Variants in MTMR11 observed in about 807,000 individuals in gnomAD.
MTMR11 encodes the protein myotubularin related protein 11.
A neutral mutation model predicts 100.0 loss-of-function variants in MTMR11; 89 were observed. The ratio of observed to expected loss-of-function variants is 0.89; its 90% CI spans 0.75 to 1.06. MTMR11 has a LOEUF of 1.06. Ranked by LOEUF, MTMR11 falls within the 50% of genes least tolerant of loss-of-function variation. The pLI is 0.00. For synonymous variants in MTMR11, 336 were observed against 326.3 expected (o/e 1.03, Z -0.32); for missense variants, 809 against 873.7 (o/e 0.93, Z 0.93).
At chr1:149,935,830 A>G (rs2092714401) in intron 2 of MTMR11, 125 bp from the exon 3 acceptor site, 3 of 1,180,654 alleles carry the variant, frequency 2.5e-6, no homozygotes, top group Non-Finnish European at 3.5e-6. Context: ...AAAGCCCACT[A>G]CAATGTAAGC....
chr1:149,933,319 C>T, intron 10 of MTMR11, 87 bp downstream of exon 10: 1 of 1,530,294 alleles, frequency 6.5e-7, no homozygotes, highest in Non-Finnish European at 8.9e-7. Context: ...AAGAGCTACT[C>T]ATCTACAGCA....
chr1:149,934,034 T>G (rs782132417), intron 7 of MTMR11, 92 bp from the exon 8 acceptor site: 17 of 1,541,296 alleles, frequency 1.1e-5, no homozygotes, highest in African/African-American at 1.4e-5. Flanking sequence ...GAGGGACCAT[T>G]CCAAGGGATT....
rs781983295 is a variant in MTMR11 at position 149,933,448 on chromosome 1, C to T, written c.943G>A (p.Val315Ile). ...TMDELPSLAD[V>I]QLAHLRLRAL... is the part of the protein sequence containing the mutation. ...CTCAGCCTCAGGTGGGCAAGTTGGA[C>T]ATCTGCAAGGCTGGGCAGCTCATCC... is the stretch of plus-strand genomic sequence containing the variant. Residue 315 changes from valine to isoleucine, a missense_variant, in exon 10 of 17, where the codon GTC becomes ATC. By Grantham distance (29) the Val-to-Ile change is conservative (BLOSUM62 3). Coordinates refer to ENST00000439741, the MANE Select transcript of MTMR11 (RefSeq NM_001145862.2). The T allele has an allele frequency of 6.2e-7, 1 of 1,614,012 alleles. No homozygotes were observed. Among genetic ancestry groups the T allele is most frequent in the East Asian group, 2.2e-5 (1 of 44,890 alleles).
Position 149,929,781 on chromosome 1 carries a change from G to A in MTMR11, c.1783C>T (p.Pro595Ser). ...LAVSSRWLPR[P>S]AISSESLADQ... ...GCCAGGCTTTCAGAGGAGATAGCAG[G>A]TCGAGGGAGCCAACGAGAAGAGACT... Residue 595 changes from proline (P) to serine (S), a missense_variant, in exon 16 of 17, where the codon CCT becomes TCT. Coordinates refer to ENST00000439741, the MANE Select transcript of MTMR11 (RefSeq NM_001145862.2). 2.5e-6 allele frequency: 4 copies of A among 1,614,216 alleles called. No homozygotes were observed. The highest frequency in any genetic ancestry group is 3.4e-6 in the Non-Finnish European group (4 of 1,180,046).
Position 149,930,901 on chromosome 1 carries a change from A to G in MTMR11, c.1355T>C (p.Phe452Ser). Residue 452 changes from phenylalanine to serine, a missense_variant, in exon 14 of 17, where the codon TTT becomes TCT. Physicochemically the swap from Phe to Ser is radical, Grantham distance 155. Transcript: ENST00000439741. ...AAGAAGGAAAAACTCAGAGAATTCA[A>G]AATCAGCTGGAAACTGCTGGAGGAG... is the stretch of plus-strand genomic sequence containing the variant. ...WQLLQQFPADFEFSEFFLLAL... is the reference protein window; with the variant it reads ...WQLLQQFPADSEFSEFFLLAL... The G allele has an allele frequency of 1.2e-6, 2 of 1,613,582 alleles. No individual in the cohort carries two copies. Among genetic ancestry groups the G allele is most frequent in the Non-Finnish European group, 1.7e-6 (2 of 1,179,790 alleles).
intron 7 of MTMR11, 76 bp from the exon 8 acceptor site, chr1:149,934,018 G>A: frequency 6.5e-7 from 1 of 1,541,486 alleles, no homozygotes; most frequent in Non-Finnish European, 9.0e-7. Context: ...CAAGGAAGCT[G>A]CTTCAGAGGG....
intron 7 of MTMR11, 114 bp from the exon 8 acceptor site, chr1:149,934,056 G>A: frequency 6.5e-7 from 1 of 1,540,896 alleles, no homozygotes; most frequent in Middle Eastern, 1.7e-4. Context: ...CAGGTTTAGG[G>A]ATCTAGGAGG....
Position 149,931,404 on chromosome 1 carries a change from A to G in MTMR11, c.1146T>C (p.Asn382=). The change falls in exon 13 of 17, where the codon AAT becomes AAC. Residue 382 remains asparagine (N), a synonymous_variant. Coordinates refer to ENST00000439741, the MANE Select transcript of MTMR11 (RefSeq NM_001145862.2). The part of the protein sequence containing the change: ...ILQERGDRDL[N]GLLSSLVQLL... The stretch of plus-strand genomic sequence containing the variant: ...GCTGGACGAGTGAAGAGAGGAGGCC[A>G]TTGAGATCACGATCACCGCGCTCTG... The G allele has an allele frequency of 1.2e-6, 2 of 1,609,042 alleles. No individual in the cohort carries two copies. Among genetic ancestry groups the G allele is most frequent in the Non-Finnish European group, 1.7e-6 (2 of 1,177,828 alleles).
At chr1:149,930,057 TC>T (rs2092637840) in intron 15 of MTMR11, 141 bp from the exon 16 acceptor site, 11 of 918,840 alleles carry the variant, frequency 1.2e-5, no homozygotes, top group Non-Finnish European at 3.2e-6. Flanking sequence ...TGAGAACTCT[TC>T]TACCCTCCTC....
chr1:149,932,674 G>C (rs953648606), intron 10 of MTMR11, among the ~76,000 whole-genome samples: 1 of 152,264 alleles, frequency 6.6e-6, no homozygotes, highest in East Asian at 1.9e-4. Flanking sequence ...GGCCGGGCAC[G>C]ACGGCTTGTG....
chr1:149,936,787 G>A lies in MTMR11; in HGVS notation c.-140C>T. On this transcript the variant is annotated 5_prime_UTR_variant, in exon 1 of 17. Coordinates refer to ENST00000439741, the MANE Select transcript of MTMR11 (RefSeq NM_001145862.2). ...AGGGGGTTGGACACAAGGGAAAGGAGCATTTGACGTGCACGGAGCAGAGTT... is the reference window on the plus strand; with the variant it reads ...AGGGGGTTGGACACAAGGGAAAGGAACATTTGACGTGCACGGAGCAGAGTT... 1 of 672,682 alleles carries A rather than the reference G, an allele frequency of 1.5e-6. No homozygotes were observed. The highest frequency in any genetic ancestry group is 1.6e-5 in the South Asian group (1 of 61,050). The allele number at this position is 672,682 out of a possible 1,614,324, so 41.7% of individuals were successfully genotyped here. A position where few individuals can be genotyped will look rare whatever the true frequency, so the allele number is the denominator to read the frequency against.
At position 149,930,871 on chromosome 1, in the gene MTMR11, A is replaced by C. The variant is rs782432754; in HGVS notation, c.1385T>G (p.Leu462Arg). Reference protein sequence around the residue: ...FEFSEFFLLALHDSVRVPDTL... With the variant: ...FEFSEFFLLARHDSVRVPDTL... ...GTCAGGAACCCTGACACTGTCATGA[A>C]GAGCAAGAAGGAAAAACTCAGAGAA... Residue 462 changes from leucine to arginine, a missense_variant, in exon 14 of 17, where the codon CTT becomes CGT. Leu to Arg is a moderately radical substitution (Grantham distance 102, BLOSUM62 -2). Transcript: ENST00000439741. 47 of 1,613,358 alleles carry C rather than the reference A, an allele frequency of 2.9e-5. No homozygotes were observed. Among genetic ancestry groups the C allele is most frequent in the Non-Finnish European group, 3.6e-5 (43 of 1,179,744 alleles).
intron 4 of MTMR11, 68 bp downstream of exon 4, chr1:149,935,231 G>A (rs2092707256): frequency 1.2e-6 from 2 of 1,606,338 alleles, no homozygotes; most frequent in South Asian, 1.1e-5. Flanking sequence ...TCTGAGAACA[G>A]AGGAAGGATG....
rs1432614608 is a variant in MTMR11 at position 149,936,797 on chromosome 1, T to C, written c.-150A>G. 1 of 658,066 alleles carries C rather than the reference T, an allele frequency of 1.5e-6. No homozygotes were observed. Among genetic ancestry groups the C allele is most frequent in the African/African-American group, 1.9e-5 (1 of 53,870 alleles). 40.8% of individuals were successfully genotyped at this position (658,066 alleles called of 1,614,324 possible). On this transcript the variant is annotated 5_prime_UTR_variant, in exon 1 of 17. Transcript: ENST00000439741. ...ACACAAGGGAAAGGAGCATTTGACG[T>C]GCACGGAGCAGAGTTTGGGGGTCCT...
At position 149,928,763 on chromosome 1, in the gene MTMR11, G is replaced by A; in HGVS notation, c.*366C>T. The A allele has an allele frequency of 5.3e-6, 6 of 1,136,472 alleles. No individual in the cohort carries two copies. Among genetic ancestry groups the A allele is most frequent in the Non-Finnish European group, 8.0e-6 (6 of 754,186 alleles). The allele number at this position is 1,136,472 out of a possible 1,614,324, so 70.4% of individuals were successfully genotyped here. On this transcript the variant is annotated 3_prime_UTR_variant, in exon 17 of 17. Transcript: ENST00000439741. Reference sequence around the variant, plus strand: ...CCTCATTCCCATAGAAAACTATAAGGGAAGAAATAGAACTTGGAATTAAAG... The same window carrying A: ...CCTCATTCCCATAGAAAACTATAAGAGAAGAAATAGAACTTGGAATTAAAG...
chr1:149,936,536 C>T (rs1368242302), intron 1 of MTMR11, 46 bp downstream of exon 1: 11 of 1,379,416 alleles, frequency 8.0e-6, no homozygotes, highest in Non-Finnish European at 1.1e-5. Context: ...CACCTCATCC[C>T]CGTTCTCACC....
chr1:149,930,672 GAATAAAT>G, intron 14 of MTMR11, 113 bp downstream of exon 14: 2 of 1,360,080 alleles, frequency 1.5e-6, no homozygotes, highest in Non-Finnish European at 2.0e-6. Context: ...CTGAAAATGA[GAATAAAT>G]CTCCCCCTCC....
Position 149,934,995 on chromosome 1 carries a change from C to A in MTMR11, c.459G>T (p.Gln153His), listed in dbSNP as rs2092704618. The change falls in exon 5 of 17, where the codon CAG (glutamine) becomes CAT (histidine). Residue 153 changes from glutamine (Q) to histidine (H), a missense_variant. Transcript: ENST00000439741. ...GTTAGGGGCCTCTTACCTGAAAAGC[C>A]TGAGGCTCTAGGCCTCCAGCCTCAA... ...VGFEAGGLEP[Q>H]AFQVTMAIVQ... is the part of the protein sequence containing the mutation. 6.2e-7 allele frequency: 1 copy of A among 1,613,740 alleles called. No individual in the cohort carries two copies.
chr1:149,932,739 G>C (rs2092676311), intron 10 of MTMR11, among the ~76,000 whole-genome samples: 1 of 151,942 alleles, frequency 6.6e-6, no homozygotes, highest in Non-Finnish European at 1.5e-5. Context: ...TGAGGAGTTT[G>C]AGACCAGCCT....
Sources: allele counts gnomAD v4.1 joint callset (sites outside exome capture counted in the v4.1 genomes callset), GRCh38; gene constraint gnomAD v4.1.1; transcripts MANE v1.5; gene names NCBI Gene and HGNC (gene_info 2026-07-23, HGNC 2026-07-21).